NOSTRIN: variants seen among roughly 807,000 people sequenced by gnomAD.
NOSTRIN encodes the protein nitric oxide synthase trafficking, also known as BM247 homolog.
In NOSTRIN, 63 loss-of-function variants were observed where a neutral mutation model predicts 59.0. The observed-to-expected ratio is 1.07, with a 90% CI of 0.87 to 1.32. The LOEUF (loss-of-function observed/expected upper bound fraction) is 1.32. Among genes scored for constraint, NOSTRIN ranks in the 40% most tolerant of loss-of-function variants. The probability of loss-of-function intolerance (pLI) is 0.00; values close to 1 mark genes in which losing one functional copy is unlikely to be tolerated. For synonymous variants in NOSTRIN, 200 were observed against 165.4 expected (o/e 1.21, Z -1.61); for missense variants, 512 against 473.1 (o/e 1.08, Z -0.76).
chr2:168,863,018 T>C lies in NOSTRIN; in HGVS notation c.1384+969T>C, dbSNP rs934546461. On this transcript the variant is annotated intron_variant, in intron 15 of 15. Coordinates refer to ENST00000317647, the MANE Select transcript of NOSTRIN (RefSeq NM_001039724.4). ...CTCCAGGCAATTACTTTTCTTCCTA[T>C]GTGAATAAAAGACAGACATACTTCC... is the stretch of plus-strand genomic sequence containing the variant. Among the ~76,000 whole-genome samples, 4 of 43,226 alleles carry C rather than the reference T, an allele frequency of 9.3e-5. No homozygotes were observed. In the South Asian group the frequency reaches 4.1e-3, roughly 44 times the overall value. The allele number at this position is 43,226 out of a possible 152,430, so 28.4% of individuals were successfully genotyped here. A position where few individuals can be genotyped will look rare whatever the true frequency, so the allele number is the denominator to read the frequency against.
intron 7 of NOSTRIN, among the ~76,000 whole-genome samples, 190 bp downstream of exon 7, chr2:168,834,515 A>ACGCGCGCG (rs1553527277): frequency 6.9e-6 from 1 of 144,824 alleles, no homozygotes; most frequent in Non-Finnish European, 1.5e-5. Context: ...GCGCACACAC[A>ACGCGCGCG]CACACACACA....
intron 15 of NOSTRIN, among the ~76,000 whole-genome samples, chr2:168,863,896 G>C (rs1255034079): frequency 1.3e-5 from 2 of 151,972 alleles, no homozygotes; most frequent in Non-Finnish European, 1.5e-5. Context: ...AAGGATATAT[G>C]ATCCAACGTG....
At chr2:168,848,496 T>C (rs907116040) in intron 8 of NOSTRIN, among the ~76,000 whole-genome samples, 4 of 152,246 alleles carry the variant, frequency 2.6e-5, no homozygotes, top group Non-Finnish European at 5.9e-5. Flanking sequence ...GCACAGATGT[T>C]CATAGTTACT....
At chr2:168,806,067 A>C (rs919272130) in intron 1 of NOSTRIN, among the ~76,000 whole-genome samples, 1 of 152,146 alleles carries the variant, frequency 6.6e-6, no homozygotes, top group African/African-American at 2.4e-5. Flanking sequence ...CAGGGATTCC[A>C]AATACTACGC....
intron 15 of NOSTRIN, among the ~76,000 whole-genome samples, chr2:168,864,212 C>A (rs1040081332): frequency 6.6e-6 from 1 of 151,800 alleles, no homozygotes; most frequent in African/African-American, 2.4e-5. Context: ...AAGTAATCTG[C>A]CTAATCTGCC....
At chr2:168,806,977 ATGTATT>A (rs994041703) in intron 1 of NOSTRIN, among the ~76,000 whole-genome samples, 3 of 152,202 alleles carry the variant, frequency 2.0e-5, no homozygotes, top group African/African-American at 7.2e-5. Flanking sequence ...CCATTTATAA[ATGTATT>A]TGTTTCTGAT....
chr2:168,863,857 A>C (rs775463064), intron 15 of NOSTRIN, among the ~76,000 whole-genome samples: 1 of 152,168 alleles, frequency 6.6e-6, no homozygotes, highest in Non-Finnish European at 1.5e-5. Flanking sequence ...CATCAGCTAC[A>C]TAGAAATAGA....
intron 6 of NOSTRIN, 134 bp downstream of exon 6, chr2:168,831,668 C>G: frequency 1.6e-6 from 1 of 614,558 alleles, no homozygotes; most frequent in South Asian, 2.1e-5. Context: ...GTTTCCTTAC[C>G]TGGTTGTTAC....
At chr2:168,824,768 T>TTTTTTTG (rs1553523541) in intron 3 of NOSTRIN, 51 bp downstream of exon 3, 1 of 736,446 alleles carries the variant, frequency 1.4e-6, no homozygotes, top group African/African-American at 1.7e-5. Flanking sequence ...TTTATTTGTT[T>TTTTTTTG]TTTGTTTGTT....
intron 13 of NOSTRIN, 138 bp downstream of exon 13, chr2:168,859,775 GTT>G (rs1159153213): frequency 1.7e-6 from 2 of 1,193,710 alleles, no homozygotes; most frequent in Admixed American, 5.5e-5. Flanking sequence ...GAAGATAAAT[GTT>G]TTTATTTTTC....
intron 7 of NOSTRIN, among the ~76,000 whole-genome samples, chr2:168,840,486 TG>T (rs1481331619): frequency 3.6e-5 from 5 of 137,510 alleles, no homozygotes; most frequent in African/African-American, 1.1e-4. Flanking sequence ...GCTGAGATCG[TG>T]CCACTGCACT....
chr2:168,814,282 A>G (rs746428245), intron 2 of NOSTRIN, among the ~76,000 whole-genome samples: 1 of 152,202 alleles, frequency 6.6e-6, no homozygotes, highest in Non-Finnish European at 1.5e-5. Context: ...TATGTTGGTT[A>G]TGGTTGTTAA....
chr2:168,831,152 T>G (rs1202922361), intron 5 of NOSTRIN, among the ~76,000 whole-genome samples: 1 of 152,144 alleles, frequency 6.6e-6, no homozygotes, highest in Non-Finnish European at 1.5e-5. Context: ...GGCTGGGAAG[T>G]CCAAGAGCAA....
chr2:168,845,720 T>C (rs1209936739), intron 8 of NOSTRIN, among the ~76,000 whole-genome samples: 1 of 152,184 alleles, frequency 6.6e-6, no homozygotes, highest in African/African-American at 2.4e-5. Context: ...TACATTCATT[T>C]ACATTTCAAA....
At chr2:168,827,177 C>T (rs894331760) in intron 3 of NOSTRIN, among the ~76,000 whole-genome samples, 6 of 152,250 alleles carry the variant, frequency 3.9e-5, no homozygotes, top group African/African-American at 9.6e-5. Context: ...GGCCTCTGTA[C>T]CTGGGGTTTC....
In NOSTRIN at chr2:168,818,598, G is replaced by A. The variant is rs115843980; in HGVS notation, c.114-6036G>A. 7.2e-3 allele frequency among the ~76,000 whole-genome samples: 1,102 copies of A among 152,152 alleles called. 18 individuals carry two copies. Among genetic ancestry groups the A allele is most frequent in the African/African-American group, 0.024 (995 of 41,506 alleles). ...GTCACATATTCTTACATTTTAATTA[G>A]CGCTTTATCTAAAATATTGAATCTG... On this transcript the variant is annotated intron_variant, in intron 2 of 15. Coordinates refer to ENST00000317647, the MANE Select transcript of NOSTRIN (RefSeq NM_001039724.4).
rs115842552 is a variant in NOSTRIN at position 168,788,728 on chromosome 2, A to C, written c.-473+680A>C. On this transcript the variant is annotated intron_variant, in intron 2 of 20. Coordinates refer to the NOSTRIN transcript ENST00000458381. ...TCTCACTGCTGGAAAAGGGAGGTGTAAATATGGAGGAAGAGAAAACCGAAT... is the reference window on the plus strand; with the variant it reads ...TCTCACTGCTGGAAAAGGGAGGTGTCAATATGGAGGAAGAGAAAACCGAAT... 5.1e-3 allele frequency among the ~76,000 whole-genome samples: 776 copies of C among 152,298 alleles called. 7 individuals are homozygous for C. Among genetic ancestry groups the C allele is most frequent in the African/African-American group, 0.017 (718 of 41,554 alleles).
intron 2 of NOSTRIN, among the ~76,000 whole-genome samples, chr2:168,815,973 CT>C (rs2105570645): frequency 6.6e-6 from 1 of 152,326 alleles, no homozygotes; most frequent in Admixed American, 6.5e-5. Context: ...CCATATTTCT[CT>C]CTTTGAAACC....
chr2:168,800,754 A>G (rs2105510579), upstream of NOSTRIN, among the ~76,000 whole-genome samples: 1 of 152,240 alleles, frequency 6.6e-6, no homozygotes, highest in African/African-American at 2.4e-5. Context: ...AAAATGGGGC[A>G]GGAATCACAG....
Sources: gnomAD v4.1 joint callset for allele counts (sites outside exome capture counted in the v4.1 genomes callset) on GRCh38, gnomAD v4.1.1 for gene constraint, MANE v1.5 for transcripts, NCBI Gene and HGNC (gene_info 2026-07-23, HGNC 2026-07-21) for gene names.